The following PLXDC2 variants were observed in gnomAD, a reference collection of about 807,000 sequenced individuals.
The protein encoded by PLXDC2 is plexin domain containing 2.
A neutral mutation model predicts 68.9 loss-of-function variants in PLXDC2; 40 were observed. The ratio of observed to expected loss-of-function variants is 0.58; its 90% CI spans 0.45 to 0.76. The LOEUF (loss-of-function observed/expected upper bound fraction) is 0.76, where lower values mean the gene tolerates loss of function less well. PLXDC2 is among the 30% of genes least tolerant of loss of function. PLXDC2 has a pLI of 0.00. For synonymous variants in PLXDC2, 243 were observed against 234.2 expected (o/e 1.04, Z -0.34); for missense variants, 644 against 661.9 (o/e 0.97, Z 0.30).
At chr10:19,964,502 C>G (rs1249008182) in intron 1 of PLXDC2, among the ~76,000 whole-genome samples, 3 of 152,158 alleles carry the variant, frequency 2.0e-5, no homozygotes, top group Non-Finnish European at 2.9e-5. Flanking sequence ...GAGCAATACA[C>G]TGAAAGGAGT....
intron 12 of PLXDC2, among the ~76,000 whole-genome samples, chr10:20,230,241 C>G (rs1835343139): frequency 6.6e-6 from 1 of 152,036 alleles, no homozygotes; most frequent in Non-Finnish European, 1.5e-5. Context: ...TAAAATACTT[C>G]AAGGTAAAAT....
intron 1 of PLXDC2, among the ~76,000 whole-genome samples, chr10:19,853,531 C>T (rs1289418391): frequency 6.6e-6 from 1 of 151,988 alleles, no homozygotes; most frequent in Non-Finnish European, 1.5e-5. Context: ...GTTGGGATTA[C>T]AAGTGTGGGG....
chr10:19,896,325 T>G (rs1838057529), intron 1 of PLXDC2, among the ~76,000 whole-genome samples: 1 of 152,238 alleles, frequency 6.6e-6, no homozygotes, highest in African/African-American at 2.4e-5. Context: ...GGCAGAGAAT[T>G]GCAAGAATTG....
chr10:20,098,254 C>A (rs1393212192), intron 4 of PLXDC2, among the ~76,000 whole-genome samples: 1 of 152,056 alleles, frequency 6.6e-6, no homozygotes, highest in Non-Finnish European at 1.5e-5. Context: ...TTCCTTGCCT[C>A]TTCTAGCCAG....
intron 9 of PLXDC2, among the ~76,000 whole-genome samples, chr10:20,182,543 T>C (rs1834620425): frequency 6.6e-6 from 1 of 152,004 alleles, no homozygotes; most frequent in South Asian, 2.1e-4. Flanking sequence ...GAGTGATGAA[T>C]AAACCCACTA....
At chr10:20,103,599 A>T (rs951719754) in intron 4 of PLXDC2, among the ~76,000 whole-genome samples, 23 of 150,172 alleles carry the variant, frequency 1.5e-4, no homozygotes, top group East Asian at 9.8e-4. Context: ...TGTGAGAGAG[A>T]GAGAGAGAGA....
chr10:20,048,600 G>A (rs373073952), intron 3 of PLXDC2, among the ~76,000 whole-genome samples: 2 of 152,094 alleles, frequency 1.3e-5, no homozygotes, highest in South Asian at 2.1e-4. Flanking sequence ...TTGAATGTTG[G>A]TGTATGCACA....
chr10:19,888,170 C>T (rs773567281), intron 1 of PLXDC2, among the ~76,000 whole-genome samples: 7 of 152,056 alleles, frequency 4.6e-5, no homozygotes, highest in African/African-American at 1.2e-4. Flanking sequence ...ACTAGCAGAC[C>T]GGGCTATTGC....
intron 4 of PLXDC2, among the ~76,000 whole-genome samples, chr10:20,095,086 C>T (rs1455626321): frequency 6.6e-6 from 1 of 152,082 alleles, no homozygotes; most frequent in Non-Finnish European, 1.5e-5. Flanking sequence ...TAAAAAGAAA[C>T]AGGCACAATT....
chr10:20,245,403 C>A lies in PLXDC2; in HGVS notation c.1371C>A (p.Ile457=). 6.2e-7 allele frequency: 1 copy of A among 1,614,052 alleles called. No homozygotes were observed. The highest frequency in any genetic ancestry group is 1.7e-5 in the Admixed American group (1 of 60,018). The part of the protein sequence containing the change: ...KKGGTLHAGL[I]IGILILVLIV... Reference sequence around the variant, plus strand: ...GGGGAACCCTCCACGCTGGCCTCATCATTGGAATCCTCATCCTGGTCCTCA... The same window carrying A: ...GGGGAACCCTCCACGCTGGCCTCATAATTGGAATCCTCATCCTGGTCCTCA... Residue 457 remains isoleucine (I), a synonymous_variant, in exon 13 of 14, where the codon ATC becomes ATA. Coordinates refer to ENST00000377252, the MANE Select transcript of PLXDC2 (RefSeq NM_032812.9).
intron 13 of PLXDC2, among the ~76,000 whole-genome samples, chr10:20,276,253 CCTCT>C (rs1836005812): frequency 6.6e-6 from 1 of 152,122 alleles, no homozygotes. Context: ...AACACAAAAC[CCTCT>C]CTGTGTTGCT....
intron 2 of PLXDC2, among the ~76,000 whole-genome samples, chr10:20,004,242 A>G (rs558290158): frequency 5.9e-5 from 9 of 152,050 alleles, no homozygotes; most frequent in Admixed American, 5.2e-4. Flanking sequence ...CTCAAACCCC[A>G]CTCCATGGCA....
intron 6 of PLXDC2, among the ~76,000 whole-genome samples, chr10:20,150,313 G>GTTA (rs979406743): frequency 6.6e-6 from 1 of 152,126 alleles, no homozygotes; most frequent in Non-Finnish European, 1.5e-5. Context: ...CATTCCTTTG[G>GTTA]TTATATACCC....
chr10:19,955,934 C>T (rs1834062462), intron 1 of PLXDC2, among the ~76,000 whole-genome samples: 1 of 152,056 alleles, frequency 6.6e-6, no homozygotes, highest in South Asian at 2.1e-4. Flanking sequence ...CAAAAATTAG[C>T]CAGGCATGGT....
chr10:20,039,881 T>A (rs971131829), intron 2 of PLXDC2, among the ~76,000 whole-genome samples: 16 of 152,104 alleles, frequency 1.1e-4, no homozygotes, highest in Non-Finnish European at 2.2e-4. Flanking sequence ...AATAGGTGAG[T>A]AGAAATATAC....
At chr10:20,008,019 T>C (rs1162161882) in intron 2 of PLXDC2, among the ~76,000 whole-genome samples, 2 of 152,228 alleles carry the variant, frequency 1.3e-5, no homozygotes, top group African/African-American at 4.8e-5. Context: ...AAAGTAGAGA[T>C]AAACAGTTTT....
chr10:20,119,592 A>C (rs966613213), intron 4 of PLXDC2, among the ~76,000 whole-genome samples: 1 of 149,792 alleles, frequency 6.7e-6, no homozygotes, highest in Non-Finnish European at 1.5e-5. Context: ...GCTTGGGCTC[A>C]GAGGCCTGAC....
At chr10:20,033,676 C>T (rs1318117376) in intron 2 of PLXDC2, among the ~76,000 whole-genome samples, 1 of 152,110 alleles carries the variant, frequency 6.6e-6, no homozygotes, top group East Asian at 1.9e-4. Flanking sequence ...GATACTTATT[C>T]ACTATCACAA....
chr10:20,223,534 A>C (rs1588527475), intron 12 of PLXDC2, among the ~76,000 whole-genome samples: 2 of 151,894 alleles, frequency 1.3e-5, no homozygotes, highest in Non-Finnish European at 2.9e-5. Flanking sequence ...GCTGGTCTTG[A>C]ACTCCTGACC....
Sources: gnomAD v4.1 joint callset for allele counts (sites outside exome capture counted in the v4.1 genomes callset) on GRCh38, gnomAD v4.1.1 for gene constraint, MANE v1.5 for transcripts, NCBI Gene and HGNC (gene_info 2026-07-23, HGNC 2026-07-21) for gene names.